TNKS: variants seen among roughly 807,000 people sequenced by gnomAD.
The protein encoded by TNKS is poly [ADP-ribose] polymerase tankyrase-1.
A neutral mutation model predicts 135.8 loss-of-function variants in TNKS; 72 were observed. That is an observed-to-expected ratio of 0.53 (90% confidence interval 0.44 to 0.64). The LOEUF (loss-of-function observed/expected upper bound fraction) is 0.64. Among genes scored for constraint, TNKS ranks in the 30% least tolerant of loss-of-function variants. TNKS has a pLI of 0.00. For synonymous variants in TNKS, 849 were observed against 649.3 expected (o/e 1.31, Z -4.68); for missense variants, 1,769 against 1,674.0 (o/e 1.06, Z -0.99).
intron 2 of TNKS, among the ~76,000 whole-genome samples, chr8:9,583,068 G>A (rs959810350): frequency 6.6e-6 from 1 of 151,298 alleles, no homozygotes; most frequent in Non-Finnish European, 1.5e-5. Flanking sequence ...TTAGGAGGCT[G>A]AGGCAGGAGA....
chr8:9,611,181 T>C lies in TNKS; in HGVS notation c.899-4401T>C, dbSNP rs79521171. Among the ~76,000 whole-genome samples, 1,488 of 152,350 alleles carry C rather than the reference T, an allele frequency of 9.8e-3. 17 individuals carry two copies. The highest frequency in any genetic ancestry group is 0.032 in the African/African-American group (1,314 of 41,588). ...CCGTCTTACCTCGAAAGGAGATGAA[T>C]AGAGCTGAGACGCATTAGTAAAACA... On this transcript the variant is annotated intron_variant, in intron 2 of 26. Coordinates refer to ENST00000310430, the MANE Select transcript of TNKS (RefSeq NM_003747.3).
chr8:9,568,261 G>A (rs1056331952), intron 1 of TNKS, among the ~76,000 whole-genome samples: 5 of 152,180 alleles, frequency 3.3e-5, no homozygotes, highest in African/African-American at 4.8e-5. Context: ...GTTTCTCAGG[G>A]ATCTGGCTTG....
intron 19 of TNKS, 24 bp from the exon 20 acceptor site, chr8:9,752,520 A>G (rs374315185): frequency 6.4e-7 from 1 of 1,561,308 alleles, no homozygotes; most frequent in South Asian, 1.1e-5. Flanking sequence ...CTTTCTGAGA[A>G]TCTTTAATAT....
At chr8:9,587,635 C>G (rs1255578953) in intron 2 of TNKS, among the ~76,000 whole-genome samples, 1 of 152,074 alleles carries the variant, frequency 6.6e-6, no homozygotes, top group Non-Finnish European at 1.5e-5. Flanking sequence ...ATCTCCTGAC[C>G]TTGTGATCCG....
At chr8:9,561,403 T>G (rs1273098188) in intron 1 of TNKS, among the ~76,000 whole-genome samples, 1 of 152,170 alleles carries the variant, frequency 6.6e-6, no homozygotes, top group African/African-American at 2.4e-5. Context: ...GCAACCACCA[T>G]TCTGATGTTT....
At chr8:9,751,524 C>T (rs1366887680) in intron 18 of TNKS, 85 bp from the exon 19 acceptor site, 4 of 1,288,394 alleles carry the variant, frequency 3.1e-6, no homozygotes, top group South Asian at 1.4e-5. Context: ...AGGAAAAAAT[C>T]CACAAAGTAT....
intron 3 of TNKS, among the ~76,000 whole-genome samples, chr8:9,634,081 A>G (rs1800404881): frequency 5.8e-4 from 1 of 1,726 alleles, no homozygotes; most frequent in Non-Finnish European, 1.7e-3. Context: ...ATTTAACTGC[A>G]TATATATATA....
chr8:9,728,342 G>A (rs923911500), intron 13 of TNKS, among the ~76,000 whole-genome samples: 4 of 152,188 alleles, frequency 2.6e-5, no homozygotes, highest in African/African-American at 7.2e-5. Context: ...ATTGTGAAAA[G>A]TAAGTAGGAA....
At chr8:9,661,515 A>G (rs1053775741) in intron 3 of TNKS, among the ~76,000 whole-genome samples, 21 of 152,174 alleles carry the variant, frequency 1.4e-4, no homozygotes, top group Non-Finnish European at 2.8e-4. Context: ...TGGTGCTGGG[A>G]AAACTGGCTA....
At chr8:9,735,348 G>A (rs752892822) in intron 16 of TNKS, 29 bp from the exon 17 acceptor site, 23 of 1,590,874 alleles carry the variant, frequency 1.4e-5, no homozygotes, top group South Asian at 7.8e-5. Flanking sequence ...AAGCTGACAC[G>A]TTTCCTGTAT....
intron 26 of TNKS, among the ~76,000 whole-genome samples, chr8:9,772,946 T>C (rs1356595791): frequency 6.7e-6 from 1 of 149,252 alleles, no homozygotes; most frequent in Non-Finnish European, 1.5e-5. Context: ...AATAAAACCT[T>C]CCCAAACGTA....
chr8:9,584,275 T>C (rs1174096434), intron 2 of TNKS, among the ~76,000 whole-genome samples: 4 of 151,486 alleles, frequency 2.6e-5, no homozygotes, highest in African/African-American at 4.9e-5. Context: ...GATTTTAAAC[T>C]GTGGGCACTC....
intron 3 of TNKS, among the ~76,000 whole-genome samples, chr8:9,667,551 T>C (rs1251294044): frequency 1.3e-5 from 2 of 152,236 alleles, no homozygotes; most frequent in African/African-American, 4.8e-5. Context: ...TGTGACTGCT[T>C]TTTGAATGAT....
chr8:9,635,816 G>A (rs1432360995), intron 3 of TNKS, among the ~76,000 whole-genome samples: 1 of 152,110 alleles, frequency 6.6e-6, no homozygotes, highest in African/African-American at 2.4e-5. Flanking sequence ...AAATGTCAGT[G>A]TCTTGAAAGA....
chr8:9,697,977 A>G (rs1585342123), intron 5 of TNKS, among the ~76,000 whole-genome samples: 2 of 152,222 alleles, frequency 1.3e-5, no homozygotes, highest in Admixed American at 1.3e-4. Context: ...GCCATTCACA[A>G]TAGCGAAGAC....
Position 9,733,464 on chromosome 8 carries a change from A to G in TNKS, c.2313+20A>G, listed in dbSNP as rs761815231. 1.3e-6 allele frequency: 2 copies of G among 1,592,030 alleles called. No individual in the cohort carries two copies. The highest frequency in any genetic ancestry group is 1.4e-5 in the African/African-American group (1 of 73,978). On this transcript the variant is annotated intron_variant, in intron 15 of 26. Transcript: ENST00000310430. ...TTAAAAGTATGTAGTTTAAAAAGTTATGAAATATAACTAATTTTATTTATA... is the reference window on the plus strand; with the variant it reads ...TTAAAAGTATGTAGTTTAAAAAGTTGTGAAATATAACTAATTTTATTTATA...
intron 3 of TNKS, among the ~76,000 whole-genome samples, chr8:9,658,669 G>C (rs1585290001): frequency 6.6e-6 from 1 of 152,190 alleles, no homozygotes; most frequent in East Asian, 1.9e-4. Flanking sequence ...GGAAGAAACT[G>C]CATCAACTAA....
In TNKS at chr8:9,568,911, A is replaced by G. The variant is rs565680257; in HGVS notation, c.674-11248A>G. 1.4e-4 allele frequency among the ~76,000 whole-genome samples: 22 copies of G among 152,354 alleles called. No homozygotes were observed. The East Asian group carries it at 3.9e-3, about 27-fold the overall frequency. On this transcript the variant is annotated intron_variant, in intron 1 of 26. Transcript: ENST00000310430. ...TTTTTTTATACTTCTGCTGTGTTAGAATCCATTGTTAGAATCCAGAAACGG... is the reference window on the plus strand; with the variant it reads ...TTTTTTTATACTTCTGCTGTGTTAGGATCCATTGTTAGAATCCAGAAACGG...
At chr8:9,642,250 C>T (rs1172652484) in intron 3 of TNKS, among the ~76,000 whole-genome samples, 1 of 146,228 alleles carries the variant, frequency 6.8e-6, no homozygotes, top group Non-Finnish European at 1.5e-5. Context: ...ATGAATGTGT[C>T]GTTTCTTTTG....
Sources: allele counts gnomAD v4.1 joint callset (sites outside exome capture counted in the v4.1 genomes callset), GRCh38; gene constraint gnomAD v4.1.1; transcripts MANE v1.5; gene names NCBI Gene and HGNC (gene_info 2026-07-23, HGNC 2026-07-21).